Variants in BCAS4 observed in about 807,000 individuals in gnomAD.
The protein encoded by BCAS4 is breast carcinoma-amplified sequence 4.
BCAS4 carries 9 observed loss-of-function variants against 15.7 expected under a neutral mutation model. The observed-to-expected ratio is 0.57, with a 90% CI of 0.34 to 1.00. BCAS4 has a LOEUF of 1.00. Among genes scored for constraint, BCAS4 ranks in the 50% least tolerant of loss-of-function variants. The pLI is 0.02. For missense variants in BCAS4, 225 were observed against 239.1 expected (o/e 0.94, Z 0.39); for synonymous variants, 101 against 99.5 (o/e 1.02, Z -0.09).
At chr20:50,863,731 C>T (rs571389412) in intron 4 of BCAS4, among the ~76,000 whole-genome samples, 86 of 152,256 alleles carry the variant, frequency 5.6e-4, no homozygotes, top group Admixed American at 2.5e-3. Flanking sequence ...GATAAGGGGA[C>T]GGATCTGGAG....
At chr20:50,834,957 T>C (rs897095130) in intron 3 of BCAS4, among the ~76,000 whole-genome samples, 22 of 152,246 alleles carry the variant, frequency 1.4e-4, no homozygotes, top group African/African-American at 5.1e-4. Flanking sequence ...ATGCATTAGC[T>C]GGCGCACAGT....
intron 4 of BCAS4, among the ~76,000 whole-genome samples, chr20:50,874,402 G>A (rs1320297442): frequency 2.6e-5 from 4 of 152,082 alleles, no homozygotes; most frequent in East Asian, 1.9e-4. Context: ...GGTCCTACAC[G>A]GCTCAGCACC....
At chr20:50,866,914 G>A (rs1477155270) in intron 4 of BCAS4, among the ~76,000 whole-genome samples, 1 of 152,190 alleles carries the variant, frequency 6.6e-6, no homozygotes, top group Non-Finnish European at 1.5e-5. Context: ...AATGCTCTGT[G>A]ACCTTTCAGG....
Position 50,867,152 on chromosome 20 carries a change from A to G in BCAS4, c.400-9334A>G, listed in dbSNP as rs545523022. On this transcript the variant is annotated intron_variant, in intron 4 of 4. Transcript: ENST00000371608. The stretch of plus-strand genomic sequence containing the variant: ...AACATTTTACTGTGTGCATTGTCAC[A>G]GCTAAGGAACCAACACTGACACATT... Among the ~76,000 whole-genome samples the G allele has an allele frequency of 4.6e-5, 7 of 152,330 alleles. No individual in the cohort carries two copies. The East Asian group carries it at 1.4e-3, about 29-fold the overall frequency.
rs533690702 is a variant in BCAS4 at position 50,859,277 on chromosome 20, C to T, written c.400-17209C>T. ...ATATTTTTGATTCATGTTGGTTGAA[C>T]GCATGGATGTGGAACCCACGGATGT... On this transcript the variant is annotated intron_variant, in intron 4 of 4. Transcript: ENST00000371608. 9.2e-5 allele frequency among the ~76,000 whole-genome samples: 14 copies of T among 152,274 alleles called. No homozygotes were observed. The East Asian group carries it at 1.2e-3, about 13-fold the overall frequency.
chr20:50,824,788 C>T (rs961997859), intron 2 of BCAS4, among the ~76,000 whole-genome samples: 1 of 152,152 alleles, frequency 6.6e-6, no homozygotes, highest in Non-Finnish European at 1.5e-5. Flanking sequence ...AACATGGGCT[C>T]AGTGTGGCCA....
At chr20:50,824,914 T>C (rs11907183) in intron 2 of BCAS4, among the ~76,000 whole-genome samples, 14,607 of 152,220 alleles carry the variant, frequency 0.096, 728 homozygotes, top group Admixed American at 0.12. Context: ...TTTTACTTTT[T>C]TTGTTTTTTT....
At chr20:50,866,960 T>C (rs1979389476) in intron 4 of BCAS4, among the ~76,000 whole-genome samples, 1 of 152,186 alleles carries the variant, frequency 6.6e-6, no homozygotes, top group Non-Finnish European at 1.5e-5. Context: ...AAATGCTCCG[T>C]TCTCGGTCAC....
At chr20:50,873,303 G>A (rs1415441805) in intron 4 of BCAS4, among the ~76,000 whole-genome samples, 1 of 152,198 alleles carries the variant, frequency 6.6e-6, no homozygotes, top group East Asian at 1.9e-4. Context: ...CAGGGGGTTG[G>A]GATGAGGCCC....
intron 4 of BCAS4, among the ~76,000 whole-genome samples, chr20:50,848,098 G>T (rs529409371): frequency 1.6e-3 from 242 of 151,788 alleles, no homozygotes; most frequent in South Asian, 9.0e-3. Context: ...TGTTTCTAAA[G>T]GGGGCCCTTT....
At chr20:50,870,822 G>C (rs555617133) in intron 4 of BCAS4, among the ~76,000 whole-genome samples, 1 of 152,254 alleles carries the variant, frequency 6.6e-6, no homozygotes, top group Non-Finnish European at 1.5e-5. Flanking sequence ...AGCTGCGGGG[G>C]TGTGGGGAGA....
At chr20:50,829,000 A>T (rs963271884) in intron 2 of BCAS4, among the ~76,000 whole-genome samples, 1 of 152,170 alleles carries the variant, frequency 6.6e-6, no homozygotes, top group African/African-American at 2.4e-5. Flanking sequence ...GGGCTCAGAG[A>T]GGTGCAGTGA....
upstream of BCAS4, chr20:50,794,963 T>C: frequency 8.2e-7 from 1 of 1,219,032 alleles, no homozygotes; most frequent in South Asian, 3.7e-5. Flanking sequence ...GGAGCGCACC[T>C]GCCCCGCCTC....
chr20:50,847,863 G>A (rs569491458), intron 4 of BCAS4, among the ~76,000 whole-genome samples: 12 of 152,088 alleles, frequency 7.9e-5, no homozygotes, highest in African/African-American at 2.7e-4. Context: ...GGCAATATGC[G>A]AAACCCCATC....
At chr20:50,835,835 C>G (rs1438701800) in intron 3 of BCAS4, among the ~76,000 whole-genome samples, 2 of 152,120 alleles carry the variant, frequency 1.3e-5, no homozygotes, top group Non-Finnish European at 2.9e-5. Context: ...AACTGATGCT[C>G]CATTAAAAGG....
At chr20:50,838,401 G>A (rs906161734) in intron 3 of BCAS4, among the ~76,000 whole-genome samples, 4 of 152,192 alleles carry the variant, frequency 2.6e-5, no homozygotes, top group Non-Finnish European at 5.9e-5. Context: ...GGTGCTCAGG[G>A]ACAGTTAGAT....
chr20:50,825,915 T>C (rs1462068971), intron 2 of BCAS4, among the ~76,000 whole-genome samples: 4 of 151,880 alleles, frequency 2.6e-5, no homozygotes, highest in African/African-American at 9.7e-5. Flanking sequence ...TAAACAAAAA[T>C]AAGGGGGAAA....
chr20:50,809,255 G>A lies in BCAS4; in HGVS notation c.91-8956G>A, dbSNP rs146316320. Among the ~76,000 whole-genome samples, 35 of 151,646 alleles carry A rather than the reference G, an allele frequency of 2.3e-4. 1 individual carries two copies. In the East Asian group the frequency reaches 6.8e-3, roughly 29 times the overall value. On this transcript the variant is annotated intron_variant, in intron 1 of 4. Coordinates refer to ENST00000371608, the MANE Select transcript of BCAS4 (RefSeq NM_198799.4). ...ACAGAGTTTCACTCTTGTTGCTCAG[G>A]CTGGAGTGCAATGGCGCAATCTCAG...
chr20:50,846,935 C>G (rs1048607988), intron 4 of BCAS4, among the ~76,000 whole-genome samples: 4 of 150,104 alleles, frequency 2.7e-5, no homozygotes, highest in African/African-American at 9.8e-5. Context: ...CTTTAAAGTT[C>G]AAAAAAAAAT....
Sources: allele counts gnomAD v4.1 joint callset (sites outside exome capture counted in the v4.1 genomes callset), GRCh38; gene constraint gnomAD v4.1.1; transcripts MANE v1.5; gene names NCBI Gene and HGNC (gene_info 2026-07-23, HGNC 2026-07-21).